The following MS4A15 variants were observed in gnomAD, a reference collection of about 807,000 sequenced individuals.
The protein encoded by MS4A15 is membrane spanning 4-domains A15.
MS4A15 carries 22 observed loss-of-function variants against 20.6 expected under a neutral mutation model. The ratio of observed to expected loss-of-function variants is 1.07; its 90% CI spans 0.76 to 1.52. MS4A15 has a LOEUF of 1.52. MS4A15 is among the 40% of genes most tolerant of loss of function. The pLI is 0.00. For synonymous variants in MS4A15, 129 were observed against 129.3 expected (o/e 1.00, Z 0.02); for missense variants, 312 against 323.0 (o/e 0.97, Z 0.26).
At position 60,776,537 on chromosome 11, in the gene MS4A15, C is replaced by T. The variant is rs1305932066; in HGVS notation, c.*822C>T. On this transcript the variant is annotated 3_prime_UTR_variant, in exon 7 of 7. Transcript: ENST00000405633. ...ACAGCAGTGGCAGTTTGGGACCTCC[C>T]TGTGCCTCTCAGCACTCCCTTCCCC... is the stretch of plus-strand genomic sequence containing the variant. 3 of 152,412 alleles carry T rather than the reference C, an allele frequency of 2.0e-5. No individual in the cohort carries two copies. The highest frequency in any genetic ancestry group is 7.2e-5 in the African/African-American group (3 of 41,420). The allele number at this position is 152,412 out of a possible 1,614,324, so 9.4% of individuals were successfully genotyped here.
intron 1 of MS4A15, among the ~76,000 whole-genome samples, chr11:60,763,022 T>A (rs1853787393): frequency 2.0e-5 from 3 of 152,206 alleles, no homozygotes; most frequent in Admixed American, 2.0e-4. Context: ...CAATAAATAC[T>A]TGGCGGACAG....
At chr11:60,766,795 T>C (rs1371965236) in intron 2 of MS4A15, among the ~76,000 whole-genome samples, 1 of 152,232 alleles carries the variant, frequency 6.6e-6, no homozygotes, top group Non-Finnish European at 1.5e-5. Context: ...AGGACCATGC[T>C]GGTTTGGGTA....
chr11:60,774,044 C>T, intron 6 of MS4A15, 94 bp downstream of exon 6: 1 of 875,544 alleles, frequency 1.1e-6, no homozygotes, highest in Non-Finnish European at 1.9e-6. Flanking sequence ...CCTCCAGACC[C>T]CTCCCTCTGC....
chr11:60,767,511 T>G, intron 2 of MS4A15, 22 bp from the exon 3 acceptor site: 1 of 1,498,140 alleles, frequency 6.7e-7, no homozygotes, highest in Non-Finnish European at 9.0e-7. Context: ...CCCGCGGCAC[T>G]GAGCCTCGGG....
intron 2 of MS4A15, among the ~76,000 whole-genome samples, chr11:60,764,492 T>A (rs971082374): frequency 6.6e-6 from 1 of 152,204 alleles, no homozygotes; most frequent in Non-Finnish European, 1.5e-5. Flanking sequence ...ACATGAAGGA[T>A]TTCAATCTCA....
chr11:60,770,466 C>T (rs1256832682), intron 3 of MS4A15, among the ~76,000 whole-genome samples: 7 of 151,768 alleles, frequency 4.6e-5, no homozygotes, highest in African/African-American at 7.2e-5. Flanking sequence ...GGTGTGGTGG[C>T]GGGCGTCTGT....
Position 60,775,655 on chromosome 11 carries a change from C to T in MS4A15, c.663C>T (p.Ser221=). Residue 221 remains serine (S), a synonymous_variant, in exon 7 of 7, where the codon AGC becomes AGT. Coordinates refer to ENST00000405633, the MANE Select transcript of MS4A15 (RefSeq NM_001098835.2). ...NAFSADFNIP[S]PAASAPPAYD... ...TCAGCGCAGACTTCAACATCCCCAG[C>T]CCGGCAGCCTCTGCGCCCCCTGCCT... The T allele has an allele frequency of 1.2e-6, 2 of 1,613,986 alleles. No individual in the cohort carries two copies. The highest frequency in any genetic ancestry group is 1.7e-6 in the Non-Finnish European group (2 of 1,179,920).
At chr11:60,761,439 G>C (rs1047754257) in intron 1 of MS4A15, among the ~76,000 whole-genome samples, 3 of 152,112 alleles carry the variant, frequency 2.0e-5, no homozygotes, top group Admixed American at 2.0e-4. Flanking sequence ...GTAGGGACTG[G>C]GGATATAAGT....
At chr11:60,773,566 T>A in intron 5 of MS4A15, 82 bp downstream of exon 5, 1 of 1,320,630 alleles carries the variant, frequency 7.6e-7, no homozygotes, top group African/African-American at 1.4e-5. Context: ...GGTGAGAGTT[T>A]GCAGCGCCAG....
chr11:60,760,953 TG>T (rs1853723127), intron 1 of MS4A15, among the ~76,000 whole-genome samples: 2 of 152,192 alleles, frequency 1.3e-5, no homozygotes, highest in African/African-American at 4.8e-5. Context: ...CTTATGTATC[TG>T]GGGGTAATTG....
chr11:60,765,228 T>C (rs1297120709), intron 2 of MS4A15, among the ~76,000 whole-genome samples: 1 of 152,212 alleles, frequency 6.6e-6, no homozygotes, highest in Non-Finnish European at 1.5e-5. Context: ...AATATACTCC[T>C]AGGTTAGGTT....
intron 1 of MS4A15, among the ~76,000 whole-genome samples, chr11:60,761,910 C>T (rs1853752020): frequency 6.6e-6 from 1 of 152,186 alleles, no homozygotes; most frequent in Admixed American, 6.5e-5. Context: ...ACATGCCTGT[C>T]TCATCGAAAT....
chr11:60,764,955 A>C (rs1019681649), intron 2 of MS4A15, among the ~76,000 whole-genome samples: 3 of 152,192 alleles, frequency 2.0e-5, no homozygotes, highest in Non-Finnish European at 4.4e-5. Flanking sequence ...AATTTAGCAG[A>C]GTTTATGTGA....
intron 3 of MS4A15, among the ~76,000 whole-genome samples, chr11:60,768,484 G>A (rs1482823616): frequency 6.6e-6 from 1 of 152,296 alleles, no homozygotes; most frequent in Admixed American, 6.5e-5. Flanking sequence ...AGTGTATACC[G>A]TGAACCTTGG....
rs1281909214 is a variant in MS4A15 at position 60,775,671 on chromosome 11, C to G, written c.679C>G (p.Pro227Ala). ...CATCCCCAGCCCGGCAGCCTCTGCG[C>G]CCCCTGCCTATGACAATGTGGCATA... is the stretch of plus-strand genomic sequence containing the variant. ...FNIPSPAASAPPAYDNVAYAQ... is the reference protein window; with the variant it reads ...FNIPSPAASAAPAYDNVAYAQ... The change falls in exon 7 of 7, where the codon CCC (proline) becomes GCC (alanine). Residue 227 changes from proline (P) to alanine (A), a missense_variant. By Grantham distance (27) the Pro-to-Ala change is conservative. Coordinates refer to ENST00000405633, the MANE Select transcript of MS4A15 (RefSeq NM_001098835.2). 6.2e-7 allele frequency: 1 copy of G among 1,613,960 alleles called. No homozygotes were observed. The highest frequency in any genetic ancestry group is 1.3e-5 in the African/African-American group (1 of 75,070).
Position 60,773,824 on chromosome 11 carries a change from T to C in MS4A15, c.499-13T>C. 6.2e-7 allele frequency: 1 copy of C among 1,608,002 alleles called. No homozygotes were observed. The highest frequency in any genetic ancestry group is 1.7e-4 in the Middle Eastern group (1 of 5,992). The stretch of plus-strand genomic sequence containing the variant: ...AACTCTGGGCTCACCTTTCTGTGGG[T>C]TTTGGTCCCCAGGATGTGGACAGGG... On this transcript the variant is annotated splice_polypyrimidine_tract_variant and intron_variant, in intron 5 of 6. Transcript: ENST00000405633.
chr11:60,775,808 C>T lies in MS4A15; in HGVS notation c.*93C>T. ...CACCTTGTTCATCAGGGGCCAGCCCCATCCCAGCTGCCCTCCCTCACCACA... is the reference window on the plus strand; with the variant it reads ...CACCTTGTTCATCAGGGGCCAGCCCTATCCCAGCTGCCCTCCCTCACCACA... On this transcript the variant is annotated 3_prime_UTR_variant, in exon 7 of 7. Transcript: ENST00000405633. 1 of 964,724 alleles carries T rather than the reference C, an allele frequency of 1.0e-6. No individual in the cohort carries two copies. Among genetic ancestry groups the T allele is most frequent in the Non-Finnish European group, 1.6e-6 (1 of 640,738 alleles). The allele number at this position is 964,724 out of a possible 1,614,324, so 59.8% of individuals were successfully genotyped here.
At chr11:60,771,440 C>T in intron 4 of MS4A15, 93 bp downstream of exon 4, 2 of 1,575,192 alleles carry the variant, frequency 1.3e-6, no homozygotes, top group Non-Finnish European at 1.7e-6. Flanking sequence ...TCCTTCAGCT[C>T]ATTCCCCAGC....
At position 60,776,072 on chromosome 11, in the gene MS4A15, C is replaced by A; in HGVS notation, c.*357C>A. 1 of 174,290 alleles carries A rather than the reference C, an allele frequency of 5.7e-6. No homozygotes were observed. The highest frequency in any genetic ancestry group is 1.2e-5 in the Non-Finnish European group (1 of 81,898). 10.8% of individuals were successfully genotyped at this position (174,290 alleles called of 1,614,324 possible). A position where few individuals can be genotyped will look rare whatever the true frequency, so the allele number is the denominator to read the frequency against. ...TCGAGGCCTGCCCTGACCCTCGGGC[C>A]TCGGGAAGGTCAGAGAGCCCGGAAT... On this transcript the variant is annotated 3_prime_UTR_variant, in exon 7 of 7. Coordinates refer to ENST00000405633, the MANE Select transcript of MS4A15 (RefSeq NM_001098835.2).
Sources: allele counts gnomAD v4.1 joint callset (sites outside exome capture counted in the v4.1 genomes callset), GRCh38; gene constraint gnomAD v4.1.1; transcripts MANE v1.5; gene names NCBI Gene and HGNC (gene_info 2026-07-23, HGNC 2026-07-21).